WNT2: variants seen among roughly 807,000 people sequenced by gnomAD.
The protein encoded by WNT2 is protein Wnt-2.
A neutral mutation model predicts 36.9 loss-of-function variants in WNT2; 12 were observed. That is an observed-to-expected ratio of 0.33 (90% CI 0.21 to 0.53). WNT2 has a LOEUF of 0.53. Among genes scored for constraint, WNT2 ranks in the 20% least tolerant of loss-of-function variants. The pLI is 0.95. For synonymous variants in WNT2, 163 were observed against 174.6 expected, an observed-to-expected ratio of 0.93 and a Z score of 0.52; for missense variants, 379 against 473.1, an observed-to-expected ratio of 0.80 and a Z score of 1.84.
At chr7:117,285,926 C>T (rs960543560) in intron 4 of WNT2, among the ~76,000 whole-genome samples, 10 of 152,132 alleles carry the variant, frequency 6.6e-5, no homozygotes, top group Admixed American at 2.6e-4. Context: ...GTTGCAGACT[C>T]GAAACTTCTT....
intron 4 of WNT2, among the ~76,000 whole-genome samples, chr7:117,279,895 AG>A (rs1418610121): frequency 6.6e-6 from 1 of 152,212 alleles, no homozygotes; most frequent in Non-Finnish European, 1.5e-5. Context: ...TCATTTAACT[AG>A]GAATGTCTTC....
At position 117,305,655 on chromosome 7, in the gene WNT2, T is replaced by A. The variant is rs554495224; in HGVS notation, c.589-7779A>T. 2.0e-5 allele frequency among the ~76,000 whole-genome samples: 3 copies of A among 152,284 alleles called. No individual in the cohort carries two copies. In the South Asian group the frequency reaches 6.2e-4, roughly 32 times the overall value. ...CCAAAAAATATTGCTTTCTGGTGAG[T>A]TGGCAGGGCAATGACTATGTTTTTG... On this transcript the variant is annotated intron_variant, in intron 3 of 4. Transcript: ENST00000265441.
Position 117,277,917 on chromosome 7 carries a change from T to A in WNT2, c.*238A>T. Reference sequence around the variant, plus strand: ...CTGTCATGCTATTTCCAAAGAGAACTCGCCAGGAGGGGAGATGACTGCAGA... The same window carrying A: ...CTGTCATGCTATTTCCAAAGAGAACACGCCAGGAGGGGAGATGACTGCAGA... On this transcript the variant is annotated 3_prime_UTR_variant, in exon 5 of 5. Transcript: ENST00000265441. 1.8e-6 allele frequency: 1 copy of A among 546,144 alleles called. No individual in the cohort carries two copies. The highest frequency in any genetic ancestry group is 3.3e-6 in the Non-Finnish European group (1 of 305,430). The allele number at this position is 546,144 out of a possible 1,614,324, so 33.8% of individuals were successfully genotyped here.
chr7:117,299,012 T>C (rs1794849924), intron 3 of WNT2, among the ~76,000 whole-genome samples: 1 of 151,956 alleles, frequency 6.6e-6, no homozygotes, highest in South Asian at 2.1e-4. Flanking sequence ...AAATTTATCC[T>C]CCTCAGCACG....
intron 3 of WNT2, among the ~76,000 whole-genome samples, chr7:117,306,796 T>C (rs931247385): frequency 6.6e-6 from 1 of 152,218 alleles, no homozygotes; most frequent in African/African-American, 2.4e-5. Context: ...TCATGTGACA[T>C]AGCTATGCTA....
chr7:117,308,605 G>C (rs1795060822), intron 3 of WNT2, among the ~76,000 whole-genome samples: 1 of 152,122 alleles, frequency 6.6e-6, no homozygotes, highest in Admixed American at 6.5e-5. Context: ...TTTTAAAAAT[G>C]CTTTTCATTT....
At chr7:117,305,591 G>T (rs1435643309) in intron 3 of WNT2, among the ~76,000 whole-genome samples, 3 of 152,140 alleles carry the variant, frequency 2.0e-5, no homozygotes, top group African/African-American at 7.2e-5. Flanking sequence ...TAGTAAAAAG[G>T]CATTTAGGAA....
Position 117,278,080 on chromosome 7 carries a change from C to G in WNT2, c.*75G>C. 2 of 1,519,062 alleles carry G rather than the reference C, an allele frequency of 1.3e-6. No individual in the cohort carries two copies. The highest frequency in any genetic ancestry group is 3.4e-5 in the Admixed American group (2 of 58,142). 94.1% of individuals were successfully genotyped at this position (1,519,062 alleles called of 1,614,324 possible). On this transcript the variant is annotated 3_prime_UTR_variant, in exon 5 of 5. Transcript: ENST00000265441. ...TTAGGAAATATCCCCCCAGAAAGAA[C>G]CCAAAGGTCCAGTGTTCTTGCAGAT... is the stretch of plus-strand genomic sequence containing the variant.
rs1794371807 is a variant in WNT2, at chr7:117,276,018, G to C, written c.*2137C>G. On this transcript the variant is annotated 3_prime_UTR_variant, in exon 5 of 5. Coordinates refer to ENST00000265441, the MANE Select transcript of WNT2 (RefSeq NM_003391.3). ...AAGCTAAAATTATTTAAAATCCACT[G>C]AGTTAATTCTGGGAGAAGCTAGTTT... 6.6e-6 allele frequency among the ~76,000 whole-genome samples: 1 copy of C among 152,236 alleles called. No homozygotes were observed. Among genetic ancestry groups the C allele is most frequent in the Non-Finnish European group, 1.5e-5 (1 of 68,042 alleles).
chr7:117,307,565 G>C (rs905152209), intron 3 of WNT2, among the ~76,000 whole-genome samples: 1 of 152,130 alleles, frequency 6.6e-6, no homozygotes, highest in East Asian at 1.9e-4. Flanking sequence ...TAGTGTTTGC[G>C]TATCTAATTA....
At chr7:117,302,466 A>G (rs911045656) in intron 3 of WNT2, among the ~76,000 whole-genome samples, 1 of 152,112 alleles carries the variant, frequency 6.6e-6, no homozygotes, top group East Asian at 1.9e-4. Flanking sequence ...TTAACAAACC[A>G]TTGGTGGGGG....
chr7:117,296,447 T>A (rs1794791718), intron 4 of WNT2, among the ~76,000 whole-genome samples: 1 of 152,210 alleles, frequency 6.6e-6, no homozygotes, highest in South Asian at 2.1e-4. Context: ...GACAGCTGGC[T>A]GCCATCCATA....
At chr7:117,321,584 G>T (rs1181241714) in intron 1 of WNT2, among the ~76,000 whole-genome samples, 4 of 152,156 alleles carry the variant, frequency 2.6e-5, no homozygotes, top group African/African-American at 9.7e-5. Context: ...AACCCAAGCT[G>T]CCATAGGTGT....
chr7:117,305,656 T>G (rs572604072), intron 3 of WNT2, among the ~76,000 whole-genome samples: 1 of 152,320 alleles, frequency 6.6e-6, no homozygotes, highest in African/African-American at 2.4e-5. Context: ...TCTGGTGAGT[T>G]GGCAGGGCAA....
intron 3 of WNT2, among the ~76,000 whole-genome samples, chr7:117,306,107 T>C (rs1486994668): frequency 2.0e-5 from 3 of 152,254 alleles, no homozygotes; most frequent in Admixed American, 6.5e-5. Context: ...TCCTTCTTTG[T>C]GAGCTACAAT....
intron 4 of WNT2, among the ~76,000 whole-genome samples, chr7:117,279,584 A>C (rs149018336): frequency 6.6e-6 from 1 of 152,210 alleles, no homozygotes; most frequent in East Asian, 1.9e-4. Context: ...GCAAATATAC[A>C]GTGACAGTGA....
Position 117,297,688 on chromosome 7 carries a change from C to A in WNT2, c.777G>T (p.Arg259Ser), listed in dbSNP as rs769434993. ...DGTGFTVANE[R>S]FKKPTKNDLV... ...GGTCATTTTTCGTTGGCTTCTTAAA[C>A]CTCTCGTTAGCCACAGTGAAACCTG... The change falls in exon 4 of 5, where the codon AGG becomes AGT. Residue 259 changes from arginine (R) to serine (S), a missense_variant. By Grantham distance (110) the Arg-to-Ser change is moderately radical. Transcript: ENST00000265441. 7 of 1,614,148 alleles carry A rather than the reference C, an allele frequency of 4.3e-6. No individual in the cohort carries two copies. Among genetic ancestry groups the A allele is most frequent in the Non-Finnish European group, 5.9e-6 (7 of 1,180,026 alleles).
intron 4 of WNT2, among the ~76,000 whole-genome samples, chr7:117,285,176 A>G (rs1794558308): frequency 6.6e-6 from 1 of 152,248 alleles, no homozygotes; most frequent in Non-Finnish European, 1.5e-5. Context: ...ATTACAACAC[A>G]TAAAGTTATG....
In WNT2 at chr7:117,278,309, C is replaced by A; in HGVS notation, c.929G>T (p.Gly310Val). ...GMDSCEVMCC[G>V]RGYDTSHVTR... is the part of the protein sequence containing the mutation. ...GACATGGGAGGTGTCGTAGCCTCTC[C>A]CACAGCACATGACTTCACAGCTGTC... Residue 310 changes from glycine to valine, a missense_variant, in exon 5 of 5, where the codon GGG (glycine) becomes GTG (valine). Physicochemically the swap from Gly to Val is moderately radical, Grantham distance 109. Coordinates refer to ENST00000265441, the MANE Select transcript of WNT2 (RefSeq NM_003391.3). 2 of 1,614,228 alleles carry A rather than the reference C, an allele frequency of 1.2e-6. No individual in the cohort carries two copies. Among genetic ancestry groups the A allele is most frequent in the Non-Finnish European group, 1.7e-6 (2 of 1,180,042 alleles).
Sources: allele counts gnomAD v4.1 joint callset (sites outside exome capture counted in the v4.1 genomes callset), GRCh38; gene constraint gnomAD v4.1.1; transcripts MANE v1.5; gene names NCBI Gene and HGNC (gene_info 2026-07-23, HGNC 2026-07-21).